Variants in NLRP5 observed in about 807,000 individuals in gnomAD.
NLRP5 encodes the protein NACHT, LRR and PYD domains-containing protein 5.
Under a neutral mutation model 113.1 loss-of-function variants are expected in NLRP5, and 93 were observed. The ratio of observed to expected loss-of-function variants is 0.82; its 90% CI spans 0.70 to 0.98. The LOEUF is 0.98. Among genes scored for constraint, NLRP5 ranks in the 50% least tolerant of loss-of-function variants. NLRP5 has a pLI of 0.00. For missense variants in NLRP5, 1,808 were observed against 1,514.3 expected, an observed-to-expected ratio of 1.19 and a Z score of -3.22; for synonymous variants, 751 against 600.7, an observed-to-expected ratio of 1.25 and a Z score of -3.66.
upstream of NLRP5, among the ~76,000 whole-genome samples, chr19:55,998,315 T>A (rs908945874): frequency 1.3e-5 from 2 of 152,008 alleles, no homozygotes; most frequent in African/African-American, 4.8e-5. Context: ...GCTATGATAG[T>A]CACCACACTC....
At chr19:56,013,235 G>C (rs576382106) in intron 3 of NLRP5, among the ~76,000 whole-genome samples, 4 of 151,980 alleles carry the variant, frequency 2.6e-5, no homozygotes, top group African/African-American at 9.6e-5. Context: ...CTCTGTTGCT[G>C]AGGCTGGAGT....
In NLRP5 at chr19:56,007,869, TTGTG is replaced by T. The variant is rs140570438; in HGVS notation, c.443-902_443-899del. Among the ~76,000 whole-genome samples the T allele has an allele frequency of 4.2e-4, 36 of 85,982 alleles. 1 individual carries two copies. Among genetic ancestry groups the T allele is most frequent in the Admixed American group, 9.6e-4 (8 of 8,308 alleles). The allele number at this position is 85,982 out of a possible 152,430, so 56.4% of individuals were successfully genotyped here. A position where few individuals can be genotyped will look rare whatever the true frequency, so the allele number is the denominator to read the frequency against. On this transcript the variant is annotated intron_variant, in intron 2 of 14. Coordinates refer to ENST00000390649, the MANE Select transcript of NLRP5 (RefSeq NM_153447.4). ...ATGCTTCCAAAGTGTACAAGACAGT[TTGTG>T]TGTGTGTGTGTGTGTGCGCGTGCGC...
chr19:56,013,715 G>A (rs1220867739), intron 3 of NLRP5, among the ~76,000 whole-genome samples: 3 of 150,778 alleles, frequency 2.0e-5, no homozygotes. Flanking sequence ...GAAGTGGTGG[G>A]TCATATGGCA....
intron 11 of NLRP5, among the ~76,000 whole-genome samples, chr19:56,048,097 T>C (rs1255144515): frequency 6.6e-6 from 1 of 152,314 alleles, no homozygotes; most frequent in South Asian, 2.1e-4. Context: ...CCCTTTACTT[T>C]ATGTGAGTCT....
chr19:55,987,833 C>T, the NLRP5 span: 6 of 1,613,872 alleles, frequency 3.7e-6, no homozygotes, highest in Non-Finnish European at 4.2e-6. Context: ...TGCCTGGACT[C>T]GAATAACTAG....
Position 56,006,036 on chromosome 19 carries a change from T to C in NLRP5, c.442+1941T>C, listed in dbSNP as rs933101493. ...TCTCATATGTCTGGTGTCAGAGATT[T>C]GCAGTTTTCCATGAGGTAGAGAGAA... is the stretch of plus-strand genomic sequence containing the variant. On this transcript the variant is annotated intron_variant, in intron 2 of 14. Transcript: ENST00000390649. Among the ~76,000 whole-genome samples the C allele has an allele frequency of 3.9e-5, 6 of 152,220 alleles. No individual in the cohort carries two copies. In the South Asian group the frequency reaches 1.2e-3, roughly 32 times the overall value.
chr19:56,007,890 C>CTGT (rs1981990968), intron 2 of NLRP5, among the ~76,000 whole-genome samples: 1 of 55,136 alleles, frequency 1.8e-5, no homozygotes, highest in African/African-American at 5.5e-5. Flanking sequence ...TGTGTGTGTG[C>CTGT]GCGTGCGCGC....
chr19:56,023,160 C>T (rs1018820596), intron 6 of NLRP5, among the ~76,000 whole-genome samples: 3 of 152,158 alleles, frequency 2.0e-5, no homozygotes, highest in Non-Finnish European at 2.9e-5. Context: ...GAAGTATAGA[C>T]GTGATAATTA....
At chr19:56,004,358 G>A (rs966338616) in intron 2 of NLRP5, among the ~76,000 whole-genome samples, 2 of 152,164 alleles carry the variant, frequency 1.3e-5, no homozygotes, top group Non-Finnish European at 2.9e-5. Context: ...TGGGTTGTAA[G>A]TGCTAAGCTT....
the NLRP5 span, chr19:55,987,775 AAT>A: frequency 1.3e-6 from 2 of 1,497,766 alleles, no homozygotes; most frequent in Non-Finnish European, 1.9e-6. Context: ...ATCCTCAGAA[AAT>A]AACCTCAACC....
At chr19:55,999,219 T>C (rs1981515490), upstream of NLRP5, among the ~76,000 whole-genome samples, 1 of 146,682 alleles carries the variant, frequency 6.8e-6, no homozygotes, top group African/African-American at 2.5e-5. Flanking sequence ...TTTCTTTTTT[T>C]TTTTTTTTTT....
rs375845864 is a variant in NLRP5, at chr19:56,026,527, CAAA to C, written c.680-366_680-364del. Among the ~76,000 whole-genome samples, 105 of 40,340 alleles carry C rather than the reference CAAA, an allele frequency of 2.6e-3. 2 individuals are homozygous for C. Among genetic ancestry groups the C allele is most frequent in the South Asian group, 0.01 (5 of 488 alleles). The allele number at this position is 40,340 out of a possible 152,430, so 26.5% of individuals were successfully genotyped here. A position where few individuals can be genotyped will look rare whatever the true frequency, so the allele number is the denominator to read the frequency against. ...TGGGTGACAGAGCAAGACTCCATCT[CAAA>C]AAAAAAAAAAAAAAAAAAATAGACT... On this transcript the variant is annotated intron_variant, in intron 6 of 14. Transcript: ENST00000390649.
intron 2 of NLRP5, among the ~76,000 whole-genome samples, chr19:56,006,726 C>A (rs117570814): frequency 0.39 from 58,919 of 150,864 alleles, 11,722 homozygotes; most frequent in East Asian, 0.59. Flanking sequence ...AGCGAGACTC[C>A]GTATTTAAAA....
intron 10 of NLRP5, among the ~76,000 whole-genome samples, chr19:56,039,567 C>T (rs10416480): frequency 2.9e-4 from 44 of 152,112 alleles, no homozygotes; most frequent in Middle Eastern, 3.4e-3. Context: ...GGGAAAACAC[C>T]TATCACTCAT....
Position 56,041,099 on chromosome 19 carries a change from C to A in NLRP5, c.2957+7C>A, listed in dbSNP as rs1444366356. 1 of 1,613,256 alleles carries A rather than the reference C, an allele frequency of 6.2e-7. No homozygotes were observed. The highest frequency in any genetic ancestry group is 1.7e-5 in the Admixed American group (1 of 59,962). On this transcript the variant is annotated splice_region_variant and intron_variant, in intron 11 of 14. Transcript: ENST00000390649. Reference sequence around the variant, plus strand: ...GTAGTCTGCAGAGGCTGATGTGAGTCTGGCTTGCTCCCCTGCAAGGACTTC... The same window carrying A: ...GTAGTCTGCAGAGGCTGATGTGAGTATGGCTTGCTCCCCTGCAAGGACTTC...
intron 2 of NLRP5, among the ~76,000 whole-genome samples, chr19:56,005,444 C>T (rs1166812324): frequency 1.4e-5 from 2 of 146,562 alleles, no homozygotes; most frequent in African/African-American, 2.5e-5. Flanking sequence ...TATATATACA[C>T]ATATATTTTT....
chr19:56,025,803 C>G (rs879524), intron 6 of NLRP5, among the ~76,000 whole-genome samples: 6,731 of 152,090 alleles, frequency 0.044, 250 homozygotes, highest in East Asian at 0.21. Context: ...AGGTGTAGAA[C>G]TTGGGGCCAT....
chr19:56,052,685 G>A (rs1288916959), intron 12 of NLRP5, among the ~76,000 whole-genome samples: 1 of 152,156 alleles, frequency 6.6e-6, no homozygotes, highest in Admixed American at 6.5e-5. Context: ...GGCCGTTTCA[G>A]TCATTTCTCC....
chr19:56,043,070 G>A (rs1392197476), intron 11 of NLRP5, among the ~76,000 whole-genome samples: 1 of 151,964 alleles, frequency 6.6e-6, no homozygotes, highest in Non-Finnish European at 1.5e-5. Context: ...TAAATATATG[G>A]GTACAAGTAT....
Sources: gnomAD v4.1 joint callset for allele counts (sites outside exome capture counted in the v4.1 genomes callset) on GRCh38, gnomAD v4.1.1 for gene constraint, MANE v1.5 for transcripts, NCBI Gene and HGNC (gene_info 2026-07-23, HGNC 2026-07-21) for gene names.